The following SPIDR variants were observed in gnomAD, a reference collection of about 807,000 sequenced individuals.
The protein encoded by SPIDR is DNA repair-scaffolding protein.
Under a neutral mutation model 104.6 loss-of-function variants are expected in SPIDR, and 93 were observed. The ratio of observed to expected loss-of-function variants is 0.89; its 90% confidence interval spans 0.75 to 1.06. The LOEUF (loss-of-function observed/expected upper bound fraction) is 1.06, where lower values mean the gene tolerates loss of function less well. Ranked by LOEUF, SPIDR falls within the 50% of genes least tolerant of loss-of-function variation. The pLI, the probability that SPIDR is intolerant of heterozygous loss-of-function variation, is 0.00. For missense variants in SPIDR, 1,154 were observed against 1,111.2 expected, an observed-to-expected ratio of 1.04 and a Z score of -0.55; for synonymous variants, 431 against 416.9, an observed-to-expected ratio of 1.03 and a Z score of -0.41.
chr8:47,723,748 GT>G (rs1457405693), intron 16 of SPIDR, among the ~76,000 whole-genome samples: 1 of 152,034 alleles, frequency 6.6e-6, no homozygotes, highest in Non-Finnish European at 1.5e-5. Context: ...TTATTTTTAA[GT>G]TTTTCTAGTG....
chr8:47,281,200 A>T (rs2037708685), intron 2 of SPIDR, among the ~76,000 whole-genome samples: 1 of 152,190 alleles, frequency 6.6e-6, no homozygotes, highest in Non-Finnish European at 1.5e-5. Flanking sequence ...CAATCATAGG[A>T]GCCTTCACCA....
chr8:47,303,724 T>C (rs1449167017), intron 5 of SPIDR, among the ~76,000 whole-genome samples: 1 of 152,242 alleles, frequency 6.6e-6, no homozygotes, highest in African/African-American at 2.4e-5. Flanking sequence ...ATCATGTGAA[T>C]GATCCTTTTA....
chr8:47,490,432 G>A (rs2078488692), intron 8 of SPIDR, among the ~76,000 whole-genome samples: 1 of 152,216 alleles, frequency 6.6e-6, no homozygotes, highest in Non-Finnish European at 1.5e-5. Context: ...GTGGAAGACA[G>A]TGTGGCGATT....
At chr8:47,405,637 G>A (rs2062645385) in intron 6 of SPIDR, among the ~76,000 whole-genome samples, 2 of 152,142 alleles carry the variant, frequency 1.3e-5, no homozygotes, top group South Asian at 2.1e-4. Flanking sequence ...TTATAGAAAA[G>A]ATAATTAGGA....
intron 8 of SPIDR, among the ~76,000 whole-genome samples, chr8:47,584,883 C>G (rs142590316): frequency 1.2e-4 from 18 of 152,338 alleles, no homozygotes; most frequent in African/African-American, 4.3e-4. Context: ...CCCACTCCAT[C>G]TGCCCCTGCC....
intron 8 of SPIDR, among the ~76,000 whole-genome samples, chr8:47,542,850 G>A (rs2088505020): frequency 1.3e-5 from 2 of 152,058 alleles, no homozygotes; most frequent in Non-Finnish European, 2.9e-5. Flanking sequence ...CTTCCACCCT[G>A]TCACCCTCCA....
At chr8:47,413,095 C>T (rs1291669277) in intron 7 of SPIDR, among the ~76,000 whole-genome samples, 1 of 152,292 alleles carries the variant, frequency 6.6e-6, no homozygotes, top group Admixed American at 6.5e-5. Context: ...TTAGTTACAA[C>T]ATTAGCTTTG....
intron 7 of SPIDR, among the ~76,000 whole-genome samples, chr8:47,435,077 T>C (rs1563964550): frequency 1.3e-5 from 2 of 152,128 alleles, no homozygotes; most frequent in Admixed American, 6.5e-5. Flanking sequence ...GACTATAACC[T>C]CAAATTCCTG....
chr8:47,362,147 A>G (rs2056125112), intron 5 of SPIDR, among the ~76,000 whole-genome samples: 2 of 152,218 alleles, frequency 1.3e-5, no homozygotes, highest in Admixed American at 1.3e-4. Context: ...AGTGTGGTAC[A>G]CTCATTTGAG....
intron 5 of SPIDR, among the ~76,000 whole-genome samples, chr8:47,331,595 G>C (rs782132876): frequency 5.9e-5 from 9 of 152,192 alleles, no homozygotes; most frequent in Non-Finnish European, 1.3e-4. Flanking sequence ...GTGAGTCAGT[G>C]AGTGAGTGTT....
chr8:47,489,459 A>G (rs1554736460), intron 8 of SPIDR, among the ~76,000 whole-genome samples: 2 of 152,224 alleles, frequency 1.3e-5, no homozygotes, highest in Non-Finnish European at 2.9e-5. Flanking sequence ...TGCCATCCCC[A>G]TCAAGCTACC....
chr8:47,441,586 T>C (rs1486107618), intron 8 of SPIDR, among the ~76,000 whole-genome samples: 1 of 152,212 alleles, frequency 6.6e-6, no homozygotes, highest in African/African-American at 2.4e-5. Flanking sequence ...TTTGACTTTT[T>C]ACGTTTTTAG....
intron 10 of SPIDR, among the ~76,000 whole-genome samples, chr8:47,646,433 A>G (rs1193447099): frequency 6.6e-6 from 1 of 152,184 alleles, no homozygotes; most frequent in Non-Finnish European, 1.5e-5. Context: ...AATTTATCCA[A>G]CAGATATACT....
chr8:47,331,619 G>A (rs1210784319), intron 5 of SPIDR, among the ~76,000 whole-genome samples: 2 of 152,102 alleles, frequency 1.3e-5, no homozygotes, highest in African/African-American at 4.8e-5. Context: ...TGAATGTGAA[G>A]GCCTAGGACA....
rs1252540005 is a variant in SPIDR at position 47,284,472 on chromosome 8, T to C, written c.256+378T>C. On this transcript the variant is annotated intron_variant, in intron 3 of 19. Transcript: ENST00000297423. The stretch of plus-strand genomic sequence containing the variant: ...GTGACCTATGCCATAAGAACTATAC[T>C]GCTTCAGGCTCTGAAATTCTTTCTT... 2.0e-5 allele frequency among the ~76,000 whole-genome samples: 3 copies of C among 152,180 alleles called. No individual in the cohort carries two copies. In the East Asian group the frequency reaches 5.8e-4, roughly 29 times the overall value.
intron 8 of SPIDR, among the ~76,000 whole-genome samples, chr8:47,513,577 T>C (rs1203460791): frequency 6.6e-6 from 1 of 152,212 alleles, no homozygotes; most frequent in Admixed American, 6.5e-5. Flanking sequence ...AAATGGAAAG[T>C]TGGCTTCCTC....
intron 5 of SPIDR, among the ~76,000 whole-genome samples, chr8:47,322,470 A>G (rs2046851577): frequency 6.6e-6 from 1 of 152,192 alleles, no homozygotes; most frequent in South Asian, 2.1e-4. Context: ...AGAAATAGGA[A>G]CACTTTTACA....
chr8:47,551,456 T>A (rs1029791312), intron 8 of SPIDR, among the ~76,000 whole-genome samples: 3 of 152,208 alleles, frequency 2.0e-5, no homozygotes, highest in Admixed American at 6.5e-5. Context: ...GAGCCTGTTA[T>A]CAGTCTATTG....
intron 15 of SPIDR, chr8:47,713,074 A>G (rs1217095763): frequency 2.3e-6 from 3 of 1,321,632 alleles, no homozygotes; most frequent in Non-Finnish European, 2.9e-6. Flanking sequence ...CTCCATGGAG[A>G]TGCTGTGCTC....
Sources: gnomAD v4.1 joint callset for allele counts (sites outside exome capture counted in the v4.1 genomes callset) on GRCh38, gnomAD v4.1.1 for gene constraint, MANE v1.5 for transcripts, NCBI Gene and HGNC (gene_info 2026-07-23, HGNC 2026-07-21) for gene names.